The following GAD1 variants were observed in gnomAD, a reference collection of about 807,000 sequenced individuals.
The protein encoded by GAD1 is glutamate decarboxylase 1.
In GAD1, 35 loss-of-function variants were observed where a neutral mutation model predicts 75.2. That is an observed-to-expected ratio of 0.47 (90% CI 0.36 to 0.62). GAD1 has a LOEUF of 0.62. Among genes scored for constraint, GAD1 ranks in the 20% least tolerant of loss-of-function variants. GAD1 has a pLI of 0.00. For synonymous variants in GAD1, 257 were observed against 271.9 expected (o/e 0.95, Z 0.54); for missense variants, 490 against 758.5 (o/e 0.65, Z 4.16).
At chr2:170,814,125 A>AACAACATAAAG (rs1294332298), upstream of GAD1, among the ~76,000 whole-genome samples, 1 of 152,178 alleles carries the variant, frequency 6.6e-6, no homozygotes, top group African/African-American at 2.4e-5. Context: ...GAAAGACATA[A>AACAACATAAAG]ACAAAAATAT....
intron 5 of GAD1, among the ~76,000 whole-genome samples, chr2:170,832,969 C>G (rs1702279920): frequency 6.6e-6 from 1 of 152,214 alleles, no homozygotes; most frequent in Non-Finnish European, 1.5e-5. Context: ...CCCTATAACT[C>G]TCTCCACACT....
chr2:170,829,188 A>C lies in GAD1; in HGVS notation c.146-287A>C, dbSNP rs144784812. ...TGGTCACTGGAGTGGAAGCTGTCCAACTTACTTAATTGTGAGTTCACTGTC... is the reference window on the plus strand; with the variant it reads ...TGGTCACTGGAGTGGAAGCTGTCCACCTTACTTAATTGTGAGTTCACTGTC... On this transcript the variant is annotated intron_variant, in intron 3 of 16. Coordinates refer to ENST00000358196, the MANE Select transcript of GAD1 (RefSeq NM_000817.3). The C allele has an allele frequency of 5.1e-4, 235 of 462,348 alleles. 1 individual carries two copies. Among genetic ancestry groups the C allele is most frequent in the African/African-American group, 4.4e-3 (223 of 50,662 alleles). 28.6% of individuals were successfully genotyped at this position (462,348 alleles called of 1,614,324 possible). A position where few individuals can be genotyped will look rare whatever the true frequency, so the allele number is the denominator to read the frequency against.
At chr2:170,824,929 CGTGT>C (rs56938472) in intron 3 of GAD1, among the ~76,000 whole-genome samples, 3,279 of 149,996 alleles carry the variant, frequency 0.022, 65 homozygotes, top group African/African-American at 0.047. Flanking sequence ...AGCCTACACT[CGTGT>C]GTGTGTGTGT....
intron 11 of GAD1, among the ~76,000 whole-genome samples, chr2:170,848,279 C>T (rs1298251521): frequency 6.6e-6 from 1 of 152,092 alleles, no homozygotes; most frequent in African/African-American, 2.4e-5. Flanking sequence ...AGGTGGATCA[C>T]CTGAGGTCAG....
chr2:170,823,814 G>A (rs1701956185), intron 3 of GAD1, among the ~76,000 whole-genome samples: 1 of 152,190 alleles, frequency 6.6e-6, no homozygotes, highest in Non-Finnish European at 1.5e-5. Context: ...ACAGGGTAGG[G>A]GCAGGCTCTG....
At chr2:170,829,872 A>C (rs1313888036) in intron 4 of GAD1, 2 of 517,930 alleles carry the variant, frequency 3.9e-6, no homozygotes, top group Non-Finnish European at 3.5e-6. Context: ...CTCTAAAGAC[A>C]CTCGAGGGAA....
chr2:170,849,139 A>C, intron 11 of GAD1, 147 bp from the exon 12 acceptor site: 9 of 727,290 alleles, frequency 1.2e-5, no homozygotes, highest in Non-Finnish European at 2.2e-5. Context: ...CTGATTGAAC[A>C]ATCAGTGTGG....
rs942676080 is a variant in GAD1 at position 170,826,046 on chromosome 2, C to A, written c.146-3429C>A. 5.9e-5 allele frequency among the ~76,000 whole-genome samples: 9 copies of A among 152,298 alleles called. No homozygotes were observed. In the East Asian group the frequency reaches 1.7e-3, roughly 29 times the overall value. On this transcript the variant is annotated intron_variant, in intron 3 of 16. Coordinates refer to ENST00000358196, the MANE Select transcript of GAD1 (RefSeq NM_000817.3). ...AGCCAAGGGAGGCCTGGTTCACCTA[C>A]CTTTCTGAGGATCCCAGTATTTTAG...
intron 6 of GAD1, among the ~76,000 whole-genome samples, chr2:170,839,627 AAAAT>A (rs1291633817): frequency 6.6e-6 from 1 of 152,102 alleles, no homozygotes; most frequent in Non-Finnish European, 1.5e-5. Context: ...AAAAAAAAAA[AAAAT>A]CTATGTCCAT....
chr2:170,831,370 C>T (rs763650800), intron 5 of GAD1, among the ~76,000 whole-genome samples, 178 bp downstream of exon 5: 8 of 152,050 alleles, frequency 5.3e-5, no homozygotes, highest in Non-Finnish European at 1.0e-4. Flanking sequence ...TGGAGGGACC[C>T]GACCCAGGCA....
chr2:170,831,492 T>G (rs1230235195), intron 5 of GAD1, among the ~76,000 whole-genome samples: 1 of 151,630 alleles, frequency 6.6e-6, no homozygotes, highest in Non-Finnish European at 1.5e-5. Context: ...CAATGGCTCA[T>G]GCCTATAATT....
chr2:170,854,377 T>C (rs2105809978), intron 14 of GAD1, among the ~76,000 whole-genome samples: 1 of 151,666 alleles, frequency 6.6e-6, no homozygotes, highest in South Asian at 2.1e-4. Context: ...ACTGCATTAT[T>C]CTGAGTAGAA....
At chr2:170,832,853 G>A (rs3791861) in intron 5 of GAD1, among the ~76,000 whole-genome samples, 34,508 of 152,096 alleles carry the variant, frequency 0.23, 4,095 homozygotes, top group South Asian at 0.34. Flanking sequence ...CAAAGCAGTT[G>A]CTTTCCAATT....
chr2:170,858,801 C>T lies in GAD1; in HGVS notation c.1522-3C>T, dbSNP rs1342356331. ...CTTTGTTTGTCTTTTAAAATCTCTG[C>T]AGCCTGAGCACACAAACGTCTGTTT... On this transcript the variant is annotated splice_polypyrimidine_tract_variant and splice_region_variant and intron_variant, in intron 15 of 16. Transcript: ENST00000358196. 5 of 1,613,756 alleles carry T rather than the reference C, an allele frequency of 3.1e-6. No homozygotes were observed. Among genetic ancestry groups the T allele is most frequent in the Non-Finnish European group, 4.2e-6 (5 of 1,179,746 alleles).
At chr2:170,822,176 G>A (rs777877984) in intron 3 of GAD1, 27 bp downstream of exon 3, 1 of 1,605,896 alleles carries the variant, frequency 6.2e-7, no homozygotes, top group Admixed American at 1.7e-5. Flanking sequence ...ACTGGGGCCC[G>A]GCTGGGTGGC....
chr2:170,854,425 G>A (rs757046995), intron 14 of GAD1, among the ~76,000 whole-genome samples: 18 of 142,380 alleles, frequency 1.3e-4, no homozygotes, highest in Non-Finnish European at 1.8e-4. Context: ...TTTTGAGATG[G>A]AGTCTCACTC....
At chr2:170,847,625 A>T in intron 10 of GAD1, 51 bp from the exon 11 acceptor site, 1 of 1,243,046 alleles carries the variant, frequency 8.0e-7, no homozygotes, top group Non-Finnish European at 1.2e-6. Flanking sequence ...AAAATCAGCA[A>T]ATGAGAAAGG....
intron 5 of GAD1, among the ~76,000 whole-genome samples, chr2:170,832,662 G>GCACA (rs1275912956): frequency 0.075 from 9,583 of 128,272 alleles, 326 homozygotes; most frequent in Middle Eastern, 0.11. Flanking sequence ...GCGCGCGCGC[G>GCACA]CGCACACACA....
chr2:170,847,910 C>A, intron 11 of GAD1, 118 bp downstream of exon 11: 1 of 775,440 alleles, frequency 1.3e-6, no homozygotes, highest in African/African-American at 1.7e-5. Context: ...CACATTAGTT[C>A]CAGTTCTTGT....
Sources: gnomAD v4.1 joint callset for allele counts (sites outside exome capture counted in the v4.1 genomes callset) on GRCh38, gnomAD v4.1.1 for gene constraint, MANE v1.5 for transcripts, NCBI Gene and HGNC (gene_info 2026-07-23, HGNC 2026-07-21) for gene names.